Variants in FRY observed in about 807,000 individuals in gnomAD.
FRY encodes FRY microtubule binding protein.
FRY carries 128 observed loss-of-function variants against 348.4 expected under a neutral mutation model. That is an observed-to-expected ratio of 0.37 (90% CI 0.32 to 0.43). The LOEUF is 0.43. Ranked by LOEUF, FRY falls within the 20% of genes least tolerant of loss-of-function variation. The probability of loss-of-function intolerance (pLI) is 1.00; values close to 1 mark genes in which losing one functional copy is unlikely to be tolerated. For missense variants in FRY, 2,736 were observed against 3,695.2 expected, an observed-to-expected ratio of 0.74 and a Z score of 6.73; for synonymous variants, 1,370 against 1,374.7, an observed-to-expected ratio of 1.00 and a Z score of 0.08.
intron 36 of FRY, among the ~76,000 whole-genome samples, chr13:32,219,096 T>C (rs1036746160): frequency 5.3e-5 from 8 of 149,726 alleles, no homozygotes; most frequent in Non-Finnish European, 1.2e-4. Context: ...TATATACTTT[T>C]TTTTTTTTTT....
intron 52 of FRY, 93 bp from the exon 53 acceptor site, chr13:32,262,221 T>A: frequency 1.3e-5 from 13 of 983,794 alleles, no homozygotes; most frequent in Non-Finnish European, 1.9e-5. Context: ...AGTTAAAAAA[T>A]TAAGACGTAT....
intron 10 of FRY, among the ~76,000 whole-genome samples, chr13:32,136,050 G>A (rs893268884): frequency 3.5e-5 from 5 of 142,578 alleles, no homozygotes; most frequent in South Asian, 2.1e-4. Context: ...AAAAAAAAAC[G>A]ACTAATGAAC....
chr13:32,107,962 G>A lies in FRY; in HGVS notation c.324+5946G>A, dbSNP rs76240563. ...ACTATAGTAACTGTCAGGGCTTAGC[G>A]AGTAAAAGGAACTAAAAATCGTTCT... is the stretch of plus-strand genomic sequence containing the variant. On this transcript the variant is annotated intron_variant, in intron 3 of 60. Coordinates refer to ENST00000542859, the MANE Select transcript of FRY (RefSeq NM_023037.3). 8.2e-3 allele frequency among the ~76,000 whole-genome samples: 1,248 copies of A among 152,290 alleles called. 8 individuals carry two copies. Among genetic ancestry groups the A allele is most frequent in the African/African-American group, 0.029 (1,186 of 41,550 alleles).
intron 1 of FRY, among the ~76,000 whole-genome samples, chr13:32,046,271 A>T (rs1873011900): frequency 6.6e-6 from 1 of 152,208 alleles, no homozygotes; most frequent in South Asian, 2.1e-4. Context: ...ATACTGCAAG[A>T]TGACAACTCA....
At chr13:32,187,177 G>T (rs573863669) in intron 27 of FRY, among the ~76,000 whole-genome samples, 1 of 152,092 alleles carries the variant, frequency 6.6e-6, no homozygotes, top group East Asian at 1.9e-4. Context: ...AGCAAAATTC[G>T]AAAAGCTATA....
chr13:32,264,590 A>G (rs984622240), intron 53 of FRY, among the ~76,000 whole-genome samples: 1 of 152,024 alleles, frequency 6.6e-6, no homozygotes, highest in Non-Finnish European at 1.5e-5. Flanking sequence ...CTAAAGAACA[A>G]TCAGTCCTCC....
intron 41 of FRY, among the ~76,000 whole-genome samples, chr13:32,233,620 A>G (rs547506027): frequency 6.6e-6 from 1 of 152,242 alleles, no homozygotes; most frequent in Non-Finnish European, 1.5e-5. Flanking sequence ...TTGTGTTTTG[A>G]GTTGAATAGA....
intron 55 of FRY, among the ~76,000 whole-genome samples, chr13:32,268,752 C>T (rs1457236393): frequency 1.3e-5 from 2 of 151,748 alleles, no homozygotes; most frequent in African/African-American, 4.9e-5. Context: ...TCAGCTCACT[C>T]TGCCTCCCAG....
At chr13:32,114,260 C>A (rs781365656) in intron 3 of FRY, among the ~76,000 whole-genome samples, 1 of 152,308 alleles carries the variant, frequency 6.6e-6, no homozygotes, top group Non-Finnish European at 1.5e-5. Context: ...ATAATTCAGG[C>A]AGTTGCCAGT....
chr13:32,266,450 C>G (rs528440658), intron 54 of FRY, among the ~76,000 whole-genome samples: 1 of 152,278 alleles, frequency 6.6e-6, no homozygotes, highest in South Asian at 2.1e-4. Flanking sequence ...TATTAATACT[C>G]TCCCTCCAGA....
At chr13:32,259,896 A>G (rs1295592171) in intron 51 of FRY, among the ~76,000 whole-genome samples, 2 of 152,220 alleles carry the variant, frequency 1.3e-5, no homozygotes, top group Non-Finnish European at 2.9e-5. Context: ...ATCATAGCAG[A>G]TACTGGATGT....
In FRY at chr13:32,079,105, A is replaced by G. The variant is rs76615559; in HGVS notation, c.270+72A>G. The G allele has an allele frequency of 8.8e-3, 8,864 of 1,004,754 alleles. 413 individuals carry two copies. In the East Asian group the frequency reaches 0.11, roughly 13 times the overall value. 62.2% of individuals were successfully genotyped at this position (1,004,754 alleles called of 1,614,324 possible). A position where few individuals can be genotyped will look rare whatever the true frequency, so the allele number is the denominator to read the frequency against. On this transcript the variant is annotated intron_variant, in intron 2 of 60. Transcript: ENST00000542859. ...GCTGAATATACTAGATTTAAACACT[A>G]TAACAAAAGATGGATTGCTTTTCCT...
At chr13:32,290,351 G>C (rs9534076) in intron 59 of FRY, among the ~76,000 whole-genome samples, 43,737 of 152,042 alleles carry the variant, frequency 0.29, 6,706 homozygotes, top group Non-Finnish European at 0.35. Context: ...AGGACTAACG[G>C]CTCATTTGCC....
intron 2 of FRY, among the ~76,000 whole-genome samples, chr13:32,096,924 C>T (rs1876769061): frequency 7.1e-6 from 1 of 140,800 alleles, no homozygotes; most frequent in African/African-American, 2.6e-5. Context: ...ATGGACTTGA[C>T]TTTTATGTAT....
chr13:32,148,959 G>A (rs1193634144), intron 13 of FRY, among the ~76,000 whole-genome samples: 1 of 151,538 alleles, frequency 6.6e-6, no homozygotes, highest in Non-Finnish European at 1.5e-5. Flanking sequence ...ATGTGACTGA[G>A]AATGTGCTTT....
rs1491087175 is a variant in FRY, at chr13:32,272,165, CAG to C, written c.8137-2675_8137-2674del. On this transcript the variant is annotated intron_variant, in intron 55 of 60. Coordinates refer to ENST00000542859, the MANE Select transcript of FRY (RefSeq NM_023037.3). Reference sequence around the variant, plus strand: ...AATATGCTGGAAATGAAATACATTTCAGACCTGCTTTCTGCCTGTTATGAATC... The same window carrying C: ...AATATGCTGGAAATGAAATACATTTCACCTGCTTTCTGCCTGTTATGAATC... 2.0e-4 allele frequency among the ~76,000 whole-genome samples: 31 copies of C among 152,314 alleles called. 1 individual carries two copies. In the East Asian group the frequency reaches 2.7e-3, roughly 13 times the overall value.
intron 3 of FRY, among the ~76,000 whole-genome samples, chr13:32,115,673 T>G (rs1019919814): frequency 1.3e-5 from 2 of 152,112 alleles, no homozygotes; most frequent in Non-Finnish European, 2.9e-5. Flanking sequence ...TACTAAAGGC[T>G]TTTTCTACCT....
intron 2 of FRY, among the ~76,000 whole-genome samples, chr13:32,083,480 G>C (rs1298423394): frequency 1.3e-5 from 2 of 151,956 alleles, no homozygotes; most frequent in Non-Finnish European, 2.9e-5. Context: ...TTCTTTTTAT[G>C]TACTTTGAAA....
At chr13:32,091,940 T>C (rs375875433) in intron 2 of FRY, among the ~76,000 whole-genome samples, 177 of 152,340 alleles carry the variant, frequency 1.2e-3, no homozygotes, top group African/African-American at 4.1e-3. Flanking sequence ...ACATCCACTG[T>C]TGTAATAATT....
Sources: gnomAD v4.1 joint callset for allele counts (sites outside exome capture counted in the v4.1 genomes callset) on GRCh38, gnomAD v4.1.1 for gene constraint, MANE v1.5 for transcripts, NCBI Gene and HGNC (gene_info 2026-07-23, HGNC 2026-07-21) for gene names.